The following ATP2B2 variants were observed in gnomAD, a reference collection of about 807,000 sequenced individuals.
ATP2B2 encodes the protein plasma membrane calcium-transporting ATPase 2.
A neutral mutation model predicts 120.0 loss-of-function variants in ATP2B2; 15 were observed. The observed-to-expected ratio is 0.12, with a 90% CI of 0.08 to 0.19. The LOEUF (loss-of-function observed/expected upper bound fraction) is 0.19. ATP2B2 is among the 10% of genes least tolerant of loss of function. The pLI, the probability that ATP2B2 is intolerant of heterozygous loss-of-function variation, is 1.00. For missense variants in ATP2B2, 1,045 were observed against 1,719.8 expected (o/e 0.61, Z 6.94); for synonymous variants, 694 against 700.3 (o/e 0.99, Z 0.14).
chr3:10,454,608 A>C (rs2064187050), intron 1 of ATP2B2, among the ~76,000 whole-genome samples: 1 of 152,174 alleles, frequency 6.6e-6, no homozygotes, highest in Non-Finnish European at 1.5e-5. Context: ...TTTTCATTCC[A>C]AGCTGTAGAG....
intron 2 of ATP2B2, among the ~76,000 whole-genome samples, chr3:10,432,582 T>A (rs1459709388): frequency 2.0e-5 from 3 of 152,226 alleles, no homozygotes; most frequent in Non-Finnish European, 4.4e-5. Flanking sequence ...CTCAACACTT[T>A]CCCCTCGCCT....
chr3:10,651,008 C>A (rs1163563804), intron 1 of ATP2B2, among the ~76,000 whole-genome samples: 6 of 152,206 alleles, frequency 3.9e-5, no homozygotes, highest in Non-Finnish European at 8.8e-5. Context: ...TTGTTTTGGC[C>A]AATTTCTCCC....
intron 1 of ATP2B2, among the ~76,000 whole-genome samples, chr3:10,633,826 C>G (rs1409946967): frequency 6.6e-6 from 1 of 152,168 alleles, no homozygotes; most frequent in Admixed American, 6.5e-5. Context: ...GCTGTCCCCC[C>G]AACAGTTATT....
chr3:10,444,073 C>T (rs1158225385), intron 2 of ATP2B2, among the ~76,000 whole-genome samples: 6 of 152,190 alleles, frequency 3.9e-5, no homozygotes, highest in African/African-American at 4.8e-5. Flanking sequence ...TTTCTCCTCT[C>T]GGCCTCATAC....
chr3:10,378,963 T>C (rs2061454507), intron 9 of ATP2B2, among the ~76,000 whole-genome samples: 2 of 152,156 alleles, frequency 1.3e-5, no homozygotes, highest in Non-Finnish European at 2.9e-5. Flanking sequence ...TCCCTACCCC[T>C]CAACCTCTAA....
intron 2 of ATP2B2, among the ~76,000 whole-genome samples, chr3:10,422,786 C>T (rs1043599704): frequency 6.6e-6 from 1 of 152,232 alleles, no homozygotes; most frequent in Non-Finnish European, 1.5e-5. Context: ...TGGCACAGAA[C>T]GGGCACACAG....
At chr3:10,567,065 C>A (rs1218685735) in intron 2 of ATP2B2, among the ~76,000 whole-genome samples, 1 of 152,202 alleles carries the variant, frequency 6.6e-6, no homozygotes, top group Non-Finnish European at 1.5e-5. Flanking sequence ...CCCATTCCCT[C>A]TCCTCACCAT....
At chr3:10,489,007 C>T (rs913263519) in intron 1 of ATP2B2, among the ~76,000 whole-genome samples, 24 of 152,322 alleles carry the variant, frequency 1.6e-4, no homozygotes, top group African/African-American at 5.8e-4. Context: ...TCATCTCCTA[C>T]CCCTGCCTCC....
chr3:10,493,827 G>A (rs1024390051), intron 1 of ATP2B2, among the ~76,000 whole-genome samples: 17 of 152,282 alleles, frequency 1.1e-4, no homozygotes, highest in Admixed American at 9.8e-4. Context: ...ACAAAGAGAG[G>A]GGCAGGAAGG....
intron 9 of ATP2B2, among the ~76,000 whole-genome samples, 198 bp from the exon 10 acceptor site, chr3:10,378,608 G>T (rs182197387): frequency 2.0e-5 from 3 of 152,350 alleles, no homozygotes; most frequent in African/African-American, 7.2e-5. Flanking sequence ...ATGGATCCCA[G>T]TGGTACTCGC....
intron 1 of ATP2B2, among the ~76,000 whole-genome samples, chr3:10,669,380 A>G (rs2071034026): frequency 6.6e-6 from 1 of 152,014 alleles, no homozygotes; most frequent in African/African-American, 2.4e-5. Context: ...TCCCCAGCCC[A>G]TACCCCATTC....
At chr3:10,640,258 G>A (rs11715070) in intron 1 of ATP2B2, among the ~76,000 whole-genome samples, 4,156 of 152,272 alleles carry the variant, frequency 0.027, 69 homozygotes, top group South Asian at 0.088. Context: ...TGAAGGTAGG[G>A]AATGATTGGG....
intron 1 of ATP2B2, among the ~76,000 whole-genome samples, chr3:10,471,095 C>T (rs115011922): frequency 0.024 from 3,581 of 152,288 alleles, 145 homozygotes; most frequent in African/African-American, 0.081. Context: ...TAACCCGATC[C>T]GCAGTCCGAC....
chr3:10,564,055 C>T (rs771442525), intron 2 of ATP2B2, among the ~76,000 whole-genome samples: 5 of 152,192 alleles, frequency 3.3e-5, no homozygotes, highest in African/African-American at 4.8e-5. Context: ...TTACCCCAAG[C>T]CCTGGTGAGA....
intron 1 of ATP2B2, among the ~76,000 whole-genome samples, chr3:10,644,880 G>A (rs1021036198): frequency 6.6e-6 from 1 of 152,126 alleles, no homozygotes; most frequent in African/African-American, 2.4e-5. Flanking sequence ...CCTTTAAAAT[G>A]GTTAATTTTA....
rs569192839 is a variant in ATP2B2, at chr3:10,332,007, C to CT, written c.3421-2883dup. ...CCTCTTTTAATTTCACTCTCTCTTG[C>CT]TGAACTCTGTGTCCAGGGTTCTCTA... On this transcript the variant is annotated intron_variant, in intron 22 of 22. Coordinates refer to ENST00000360273, the MANE Select transcript of ATP2B2 (RefSeq NM_001001331.4). 9.0e-5 allele frequency: 140 copies of CT among 1,550,494 alleles called. No individual in the cohort carries two copies. The African/African-American group carries it at 1.7e-3, about 19-fold the overall frequency.
intron 2 of ATP2B2, among the ~76,000 whole-genome samples, chr3:10,577,387 C>G (rs897650898): frequency 2.0e-5 from 3 of 152,184 alleles, no homozygotes; most frequent in Non-Finnish European, 2.9e-5. Flanking sequence ...TAGGAGGTAA[C>G]TTTCCCAGTG....
intron 2 of ATP2B2, among the ~76,000 whole-genome samples, chr3:10,576,896 C>T (rs1380636591): frequency 6.6e-6 from 1 of 151,888 alleles, no homozygotes; most frequent in Non-Finnish European, 1.5e-5. Context: ...AACCCCGTCT[C>T]TACTAAAATT....
intron 2 of ATP2B2, among the ~76,000 whole-genome samples, chr3:10,611,166 A>T (rs1458626602): frequency 6.6e-6 from 1 of 152,202 alleles, no homozygotes; most frequent in African/African-American, 2.4e-5. Flanking sequence ...CCACTCCTGA[A>T]TGAGGGTGTG....
Sources: allele counts gnomAD v4.1 joint callset (sites outside exome capture counted in the v4.1 genomes callset), GRCh38; gene constraint gnomAD v4.1.1; transcripts MANE v1.5; gene names NCBI Gene and HGNC (gene_info 2026-07-23, HGNC 2026-07-21).